Variants in COBLL1 observed in about 807,000 individuals in gnomAD.
The protein encoded by COBLL1 is cordon-bleu protein-like 1.
In COBLL1, 50 loss-of-function variants were observed where a neutral mutation model predicts 94.8. That is an observed-to-expected ratio of 0.53 (90% CI 0.42 to 0.67). The LOEUF (loss-of-function observed/expected upper bound fraction) is 0.67. Among genes scored for constraint, COBLL1 ranks in the 30% least tolerant of loss-of-function variants. COBLL1 has a pLI of 0.00. For synonymous variants in COBLL1, 448 were observed against 473.8 expected (o/e 0.95, Z 0.71); for missense variants, 1,362 against 1,348.7 (o/e 1.01, Z -0.15).
chr2:164,661,438 T>C (rs998060073), intron 2 of COBLL1, among the ~76,000 whole-genome samples: 3 of 151,154 alleles, frequency 2.0e-5, no homozygotes, highest in Admixed American at 1.3e-4. Context: ...AGTATTTTAC[T>C]TTGTTTATAG....
In COBLL1 at chr2:164,669,338, T is replaced by C. The variant is rs1007526364; in HGVS notation, n.127-3437A>G. Among the ~76,000 whole-genome samples, 10 of 152,346 alleles carry C rather than the reference T, an allele frequency of 6.6e-5. No individual in the cohort carries two copies. The South Asian group carries it at 1.9e-3, about 28-fold the overall frequency. On this transcript the variant is annotated intron_variant and non_coding_transcript_variant, in intron 1 of 2. Coordinates refer to the COBLL1 transcript ENST00000495084. ...ACATTCTGATTGCTTCTCAGCCTTT[T>C]GGATGAGATCAAGTGTAAAAACACA...
chr2:164,827,717 CAATT>C (rs1319188252), intron 2 of COBLL1, among the ~76,000 whole-genome samples: 3 of 152,296 alleles, frequency 2.0e-5, no homozygotes, highest in South Asian at 2.1e-4. Flanking sequence ...ACTAGTCACA[CAATT>C]AATGACTATT....
intron 2 of COBLL1, among the ~76,000 whole-genome samples, chr2:164,813,965 G>A (rs1684584396): frequency 6.6e-6 from 1 of 152,118 alleles, no homozygotes; most frequent in Admixed American, 6.6e-5. Context: ...CTTTCTCAAG[G>A]TTACCCAATA....
chr2:164,841,087 G>A lies in COBLL1; in HGVS notation c.41+69C>T. On this transcript the variant is annotated intron_variant, in intron 2 of 13. Transcript: ENST00000652658. This position sits in a 1 kb window ranked among gnomAD's most constrained non-coding sequence, Gnocchi z 5.5. ...AGCGAGTTGCCAGCCAGGTGAAACG[G>A]CCGAGGCCTCGCTGTCCTCGCCGGC... 1 of 1,223,866 alleles carries A rather than the reference G, an allele frequency of 8.2e-7. No homozygotes were observed. Among genetic ancestry groups the A allele is most frequent in the Non-Finnish European group, 1.0e-6 (1 of 981,610 alleles). 75.8% of individuals were successfully genotyped at this position (1,223,866 alleles called of 1,614,324 possible).
chr2:164,788,264 C>T (rs925049472), intron 2 of COBLL1, among the ~76,000 whole-genome samples: 1 of 152,176 alleles, frequency 6.6e-6, no homozygotes, highest in African/African-American at 2.4e-5. Context: ...TCTTGTTTGA[C>T]AATCAGAGAA....
chr2:164,677,118 T>C (rs1691352430), downstream of COBLL1, among the ~76,000 whole-genome samples: 2 of 152,178 alleles, frequency 1.3e-5, no homozygotes, highest in Non-Finnish European at 2.9e-5. Flanking sequence ...TATGTACATC[T>C]AATTTAATTT....
chr2:164,682,687 G>C lies in COBLL1; in HGVS notation c.*3259C>G, dbSNP rs1683091699. 1 of 152,060 alleles carries C rather than the reference G, an allele frequency of 6.6e-6. No homozygotes were observed. Among genetic ancestry groups the C allele is most frequent in the Non-Finnish European group, 1.5e-5 (1 of 67,996 alleles). 9.4% of individuals were successfully genotyped at this position (152,060 alleles called of 1,614,324 possible). On this transcript the variant is annotated 3_prime_UTR_variant, in exon 14 of 14. Coordinates refer to ENST00000652658, the MANE Select transcript of COBLL1 (RefSeq NM_001365672.2). Reference sequence around the variant, plus strand: ...GTATTGACATCAGGTAACTTTAAAAGATGAATTGCCTGCCGTTTTTAAAAT... The same window carrying C: ...GTATTGACATCAGGTAACTTTAAAACATGAATTGCCTGCCGTTTTTAAAAT...
At chr2:164,710,266 C>T (rs1231614103) in intron 7 of COBLL1, among the ~76,000 whole-genome samples, 2 of 151,914 alleles carry the variant, frequency 1.3e-5, no homozygotes, top group African/African-American at 4.8e-5. Flanking sequence ...TGGGGAGGCG[C>T]GGTAAAGTCT....
chr2:164,695,630 C>A lies in COBLL1; in HGVS notation c.1762G>T (p.Asp588Tyr). 6.2e-7 allele frequency: 1 copy of A among 1,613,870 alleles called. No individual in the cohort carries two copies. The highest frequency in any genetic ancestry group is 1.1e-5 in the South Asian group (1 of 91,058). ...ENHLAASSVPDQKLNQPSAEK... is the reference protein window; with the variant it reads ...ENHLAASSVPYQKLNQPSAEK... The stretch of plus-strand genomic sequence containing the variant: ...GCACTGGGTTGATTCAGTTTTTGAT[C>A]TGGTACTGATGAAGCTGCTAGATGG... The change falls in exon 12 of 14, where the codon GAT (aspartate) becomes TAT (tyrosine). Residue 588 changes from aspartate to tyrosine, a missense_variant. Transcript: ENST00000652658.
chr2:164,730,333 T>TA (rs111508553), intron 3 of COBLL1, among the ~76,000 whole-genome samples: 52,224 of 143,538 alleles, frequency 0.36, 9,435 homozygotes, highest in African/African-American at 0.46. Flanking sequence ...CTACAAAAAA[T>TA]AAAAAAAAAA....
At chr2:164,780,846 G>A (rs1688694157) in intron 2 of COBLL1, among the ~76,000 whole-genome samples, 1 of 152,200 alleles carries the variant, frequency 6.6e-6, no homozygotes, top group African/African-American at 2.4e-5. Flanking sequence ...GGAGACTGCT[G>A]TCGCCTTGTG....
At chr2:164,702,953 C>A in intron 9 of COBLL1, 2 of 622,432 alleles carry the variant, frequency 3.2e-6, no homozygotes, top group African/African-American at 1.8e-5. Context: ...AAACTCTACA[C>A]CCAGATAAAA....
In COBLL1 at chr2:164,722,268, G is replaced by A; in HGVS notation, c.803C>T (p.Pro268Leu). 2 of 1,613,968 alleles carry A rather than the reference G, an allele frequency of 1.2e-6. No individual in the cohort carries two copies. Among genetic ancestry groups the A allele is most frequent in the Non-Finnish European group, 1.7e-6 (2 of 1,179,956 alleles). The change falls in exon 7 of 14, where the codon CCA (proline) becomes CTA (leucine). Residue 268 changes from proline to leucine, a missense_variant. By Grantham distance (98) the Pro-to-Leu change is moderately conservative. Coordinates refer to ENST00000652658, the MANE Select transcript of COBLL1 (RefSeq NM_001365672.2). Reference sequence around the variant, plus strand: ...AATGGTATTGGACCTTGTAAAAGTTGGGCGGTGCTTATTTACTAGAGGGGT... The same window carrying A: ...AATGGTATTGGACCTTGTAAAAGTTAGGCGGTGCTTATTTACTAGAGGGGT... Reference protein sequence around the residue: ...PATPLVNKHRPTFTRSNTISK... With the variant: ...PATPLVNKHRLTFTRSNTISK...
At chr2:164,708,189 A>G (rs1684704262) in intron 7 of COBLL1, among the ~76,000 whole-genome samples, 1 of 152,162 alleles carries the variant, frequency 6.6e-6, no homozygotes, top group Non-Finnish European at 1.5e-5. Context: ...GTTGGTAAAG[A>G]GCTGCCTCCA....
chr2:164,719,336 G>A (rs937316986), intron 7 of COBLL1, among the ~76,000 whole-genome samples: 5 of 152,146 alleles, frequency 3.3e-5, no homozygotes, highest in Non-Finnish European at 4.4e-5. Context: ...GAAGAATACC[G>A]AGACTGGAAT....
intron 2 of COBLL1, among the ~76,000 whole-genome samples, chr2:164,764,603 T>TC (rs1434285021): frequency 3.3e-5 from 5 of 151,992 alleles, no homozygotes; most frequent in Non-Finnish European, 7.4e-5. Flanking sequence ...AATGACTGAG[T>TC]CCAGGTGTGG....
chr2:164,795,873 C>T (rs906385796), intron 2 of COBLL1, among the ~76,000 whole-genome samples: 3 of 151,886 alleles, frequency 2.0e-5, no homozygotes, highest in African/African-American at 7.2e-5. Flanking sequence ...CTTTGATATA[C>T]AGTGAATCAA....
chr2:164,797,632 A>G (rs755370735), intron 2 of COBLL1, among the ~76,000 whole-genome samples: 3 of 152,138 alleles, frequency 2.0e-5, no homozygotes, highest in Non-Finnish European at 4.4e-5. Flanking sequence ...CCCATCCTTC[A>G]TCAAAATGAG....
intron 2 of COBLL1, among the ~76,000 whole-genome samples, chr2:164,796,705 CAAAAAAAAAAA>C (rs34412964): frequency 6.9e-5 from 6 of 86,728 alleles, no homozygotes; most frequent in African/African-American, 1.7e-4. Flanking sequence ...GCTGGCCTTC[CAAAAAAAAAAA>C]AAAAAAAAAA....
Sources: gnomAD v4.1 joint callset for allele counts (sites outside exome capture counted in the v4.1 genomes callset) on GRCh38, gnomAD v4.1.1 for gene constraint, Gnocchi (gnomAD v3.1) non-coding constraint, MANE v1.5 for transcripts, NCBI Gene and HGNC (gene_info 2026-07-23, HGNC 2026-07-21) for gene names.